Variants in ITGB4 observed in about 807,000 individuals in gnomAD.
ITGB4 encodes the protein integrin subunit beta 4.
In ITGB4, 159 loss-of-function variants were observed where a neutral mutation model predicts 207.6. The observed-to-expected ratio is 0.77, with a 90% CI of 0.67 to 0.87. The LOEUF is 0.87. Ranked by LOEUF, ITGB4 falls within the 40% of genes least tolerant of loss-of-function variation. The probability of loss-of-function intolerance (pLI) is 0.00; values close to 1 mark genes in which losing one functional copy is unlikely to be tolerated. For synonymous variants in ITGB4, 1,020 were observed against 1,062.7 expected (o/e 0.96, Z 0.78); for missense variants, 2,278 against 2,546.8 (o/e 0.89, Z 2.27).
intron 2 of ITGB4, 119 bp downstream of exon 2, chr17:75,724,901 C>T (rs1037351740): frequency 2.4e-6 from 2 of 817,448 alleles, no homozygotes; most frequent in African/African-American, 1.7e-5. Flanking sequence ...CAGCAACTGA[C>T]CACTGCCCAC....
At position 75,756,574 on chromosome 17, in the gene ITGB4, T is replaced by C. The variant is rs758775168; in HGVS notation, c.4854T>C (p.Ile1618=). ...GAGAGCGTGAGGGTGTCATCACCAT[T>C]GAATCCCAGGTGCACCCGCAGAGCC... ...WGREREGVIT[I]ESQVHPQSPL... Residue 1618 remains isoleucine, a synonymous_variant, in exon 36 of 40, where the codon ATT becomes ATC. Coordinates refer to ENST00000200181, the MANE Select transcript of ITGB4 (RefSeq NM_000213.5). 44 of 1,612,700 alleles carry C rather than the reference T, an allele frequency of 2.7e-5. No homozygotes were observed. The highest frequency in any genetic ancestry group is 3.7e-5 in the Non-Finnish European group (44 of 1,179,904).
rs937739271 is a variant in ITGB4 at position 75,742,957 on chromosome 17, T to C, written c.2962+196T>C. ...TGGCTGTTCACCTCGCCACAGTGCC[T>C]GCCTGGTGGTGAGCGCTCAGTAAAT... is the stretch of plus-strand genomic sequence containing the variant. On this transcript the variant is annotated intron_variant, in intron 25 of 39. Coordinates refer to ENST00000200181, the MANE Select transcript of ITGB4 (RefSeq NM_000213.5). The surrounding 1 kb of genome is among the most constrained non-coding windows in gnomAD (Gnocchi z 5.9). 1.3e-5 allele frequency among the ~76,000 whole-genome samples: 2 copies of C among 152,192 alleles called. 1 individual carries two copies. Among genetic ancestry groups the C allele is most frequent in the Non-Finnish European group, 2.9e-5 (2 of 68,036 alleles).
intron 15 of ITGB4, 58 bp from the exon 16 acceptor site, chr17:75,736,507 G>A: frequency 6.3e-7 from 1 of 1,595,320 alleles, no homozygotes. Flanking sequence ...TGGGGAGCGG[G>A]GGTCTGGCAG....
In ITGB4 at chr17:75,737,335, G is replaced by A. The variant is rs1044974603; in HGVS notation, c.2004G>A (p.Val668=). The A allele has an allele frequency of 1.6e-5, 25 of 1,592,292 alleles. No homozygotes were observed. Among genetic ancestry groups the A allele is most frequent in the Non-Finnish European group, 2.1e-5 (24 of 1,170,058 alleles). The change falls in exon 17 of 40, where the codon GTG becomes GTA. Residue 668 remains valine (V), a synonymous_variant. Transcript: ENST00000200181. ...VDELKRAEEV[V]VRCSFRDEDD... is the part of the protein sequence containing the mutation. ...CTGTGGGTACAGCCGAGGAGGTGGT[G>A]GTGCGCTGCTCCTTCCGGGACGAGG...
At chr17:75,736,203 C>A (rs1461939625) in intron 14 of ITGB4, 49 bp downstream of exon 14, 1 of 1,606,494 alleles carries the variant, frequency 6.2e-7, no homozygotes, top group East Asian at 2.2e-5. Flanking sequence ...CACCCACCCT[C>A]TCCAGAGAGA....
chr17:75,733,563 A>G lies in ITGB4; in HGVS notation c.1528A>G (p.Lys510Glu). Reference sequence around the variant, plus strand: ...GCCCTGCCTGCGGGAGGGCGAGGACAAGCCGTGCTCCGGCCGTGGGGAGTG... The same window carrying G: ...GCCCTGCCTGCGGGAGGGCGAGGACGAGCCGTGCTCCGGCCGTGGGGAGTG... The part of the protein sequence containing the change: ...IQPCLREGED[K>E]PCSGRGECQC... The change falls in exon 13 of 40, where the codon AAG (lysine) becomes GAG (glutamate). Residue 510 changes from lysine to glutamate, a missense_variant. Physicochemically the swap from Lys to Glu is moderately conservative, Grantham distance 56. Transcript: ENST00000200181. 6.2e-7 allele frequency: 1 copy of G among 1,614,008 alleles called. No individual in the cohort carries two copies. The highest frequency in any genetic ancestry group is 1.1e-5 in the South Asian group (1 of 91,078).
At position 75,742,876 on chromosome 17, in the gene ITGB4, T is replaced by A; in HGVS notation, c.2962+115T>A. The A allele has an allele frequency of 1.0e-6, 1 of 954,058 alleles. No homozygotes were observed. The highest frequency in any genetic ancestry group is 1.6e-6 in the Non-Finnish European group (1 of 644,678). The allele number at this position is 954,058 out of a possible 1,614,324, so 59.1% of individuals were successfully genotyped here. On this transcript the variant is annotated intron_variant, in intron 25 of 39. Coordinates refer to ENST00000200181, the MANE Select transcript of ITGB4 (RefSeq NM_000213.5). This position sits in a 1 kb window ranked among gnomAD's most constrained non-coding sequence, Gnocchi z 5.9. ...TGGCCTGGGCTAGTCACTTAACCTCTGCAAGCCTTGGTTTCTCCATCTGTA... is the reference window on the plus strand; with the variant it reads ...TGGCCTGGGCTAGTCACTTAACCTCAGCAAGCCTTGGTTTCTCCATCTGTA...
Position 75,731,948 on chromosome 17 carries a change from T to C in ITGB4, c.1352T>C (p.Ile451Thr). Residue 451 changes from isoleucine (I) to threonine (T), a missense_variant, in exon 11 of 40, where the codon ATC (isoleucine) becomes ACC (threonine). Ile to Thr is a moderately conservative substitution (Grantham distance 89, BLOSUM62 -1). Transcript: ENST00000200181. The surrounding 1 kb of genome is among the most constrained non-coding windows in gnomAD (Gnocchi z 6.8). ...GGCCTCAAGATGGACGCGGGCATCA[T>C]CTGTGATGTGTGCACCTGCGAGCTG... ...SDGLKMDAGI[I>T]CDVCTCELQK... 6 of 1,614,034 alleles carry C rather than the reference T, an allele frequency of 3.7e-6. No homozygotes were observed. Among genetic ancestry groups the C allele is most frequent in the Non-Finnish European group, 5.1e-6 (6 of 1,180,012 alleles).
In ITGB4 at chr17:75,733,576, G is replaced by A; in HGVS notation, c.1541G>A (p.Gly514Asp). ...GAGGGCGAGGACAAGCCGTGCTCCG[G>A]CCGTGGGGAGTGCCAGTGCGGGCAC... ...LREGEDKPCS[G>D]RGECQCGHCV... is the part of the protein sequence containing the mutation. The change falls in exon 13 of 40, where the codon GGC (glycine) becomes GAC (aspartate). Residue 514 changes from glycine to aspartate, a missense_variant. By Grantham distance (94) the Gly-to-Asp change is moderately conservative. Transcript: ENST00000200181. 1.9e-6 allele frequency: 3 copies of A among 1,614,046 alleles called. No individual in the cohort carries two copies. Among genetic ancestry groups the A allele is most frequent in the Non-Finnish European group, 2.5e-6 (3 of 1,180,026 alleles).
At chr17:75,735,995 C>G in intron 13 of ITGB4, 56 bp from the exon 14 acceptor site, 1 of 1,560,930 alleles carries the variant, frequency 6.4e-7, no homozygotes, top group East Asian at 2.2e-5. Context: ...AGGTGGGCAG[C>G]CTGGACTACA....
At chr17:75,730,549 G>A in intron 8 of ITGB4, 45 bp downstream of exon 8, 5 of 1,607,632 alleles carry the variant, frequency 3.1e-6, no homozygotes, top group Non-Finnish European at 4.2e-6. Context: ...CAAGGTAGGG[G>A]GTCCATGGAG....
Position 75,757,430 on chromosome 17 carries a change from G to A in ITGB4, c.5344G>A (p.Gly1782Arg). The A allele has an allele frequency of 2.5e-6, 4 of 1,613,188 alleles. No homozygotes were observed. Among genetic ancestry groups the A allele is most frequent in the Non-Finnish European group, 1.7e-6 (2 of 1,179,976 alleles). The stretch of plus-strand genomic sequence containing the variant: ...CTCCTCCACAGATGGGCTGACCCTG[G>A]GGGCCCAGCACCTGGAGGCAGGCGG... ...EPFLVDGLTL[G>R]AQHLEAGGSL... The change falls in exon 40 of 40, where the codon GGG becomes AGG. Residue 1782 changes from glycine to arginine, a missense_variant. Coordinates refer to ENST00000200181, the MANE Select transcript of ITGB4 (RefSeq NM_000213.5).
intron 32 of ITGB4, 131 bp downstream of exon 32, chr17:75,752,708 C>T (rs948495659): frequency 1.8e-6 from 2 of 1,141,656 alleles, no homozygotes; most frequent in Admixed American, 3.9e-5. Context: ...TGGACAAATG[C>T]AATGGAGTGC....
In ITGB4 at chr17:75,740,144, G is replaced by A. The variant is rs2143073917; in HGVS notation, c.2446+73G>A. 1 of 1,476,090 alleles carries A rather than the reference G, an allele frequency of 6.8e-7. No individual in the cohort carries two copies. The highest frequency in any genetic ancestry group is 9.2e-7 in the Non-Finnish European group (1 of 1,089,020). 91.4% of individuals were successfully genotyped at this position (1,476,090 alleles called of 1,614,324 possible). A position where few individuals can be genotyped will look rare whatever the true frequency, so the allele number is the denominator to read the frequency against. On this transcript the variant is annotated intron_variant, in intron 20 of 39. Coordinates refer to ENST00000200181, the MANE Select transcript of ITGB4 (RefSeq NM_000213.5). This position sits in a 1 kb window ranked among gnomAD's most constrained non-coding sequence, Gnocchi z 5.9. ...CCTCTGTTCCAGATCTGGGATCACAGCATGCCTCTTCTCTGGGTGTGGGGT... is the reference window on the plus strand; with the variant it reads ...CCTCTGTTCCAGATCTGGGATCACAACATGCCTCTTCTCTGGGTGTGGGGT...
rs373940065 is a variant in ITGB4, at chr17:75,739,855, C to T, written c.2255-25C>T. 1 of 1,612,844 alleles carries T rather than the reference C, an allele frequency of 6.2e-7. No individual in the cohort carries two copies. The highest frequency in any genetic ancestry group is 8.5e-7 in the Non-Finnish European group (1 of 1,179,344). ...GGCTGTGCGGGTCTAGGGAGGGGTG[C>T]CGTGCTGAGGACCCCATCCTGCAGG... On this transcript the variant is annotated intron_variant, in intron 19 of 39. Transcript: ENST00000200181. The surrounding 1 kb of genome is among the most constrained non-coding windows in gnomAD (Gnocchi z 5.4).
Position 75,750,769 on chromosome 17 carries a change from G to A in ITGB4, c.3564G>A (p.Pro1188=), listed in dbSNP as rs1244126736. 29 of 1,613,482 alleles carry A rather than the reference G, an allele frequency of 1.8e-5. No individual in the cohort carries two copies. The highest frequency in any genetic ancestry group is 2.2e-5 in the Non-Finnish European group (26 of 1,180,032). The part of the protein sequence containing the change: ...VPSVELTNLY[P]YCDYEMKVCA... ...CAGTGGAGCTCACCAACCTGTACCCGTATTGCGACTATGAGATGAAGGTGT... is the reference window on the plus strand; with the variant it reads ...CAGTGGAGCTCACCAACCTGTACCCATATTGCGACTATGAGATGAAGGTGT... Residue 1188 remains proline, a synonymous_variant, in exon 29 of 40, where the codon CCG becomes CCA. Transcript: ENST00000200181. The surrounding 1 kb of genome is among the most constrained non-coding windows in gnomAD (Gnocchi z 5.5).
At position 75,739,537 on chromosome 17, in the gene ITGB4, C is replaced by A; in HGVS notation, c.2221-135C>A. ...TGTGTGCCATGCTTACACCCTGCTA[C>A]CACCTGGATATTCTGGTGTCTGGGG... On this transcript the variant is annotated intron_variant, in intron 18 of 39. Transcript: ENST00000200181. This position sits in a 1 kb window ranked among gnomAD's most constrained non-coding sequence, Gnocchi z 5.4. 1.0e-6 allele frequency: 1 copy of A among 987,828 alleles called. No homozygotes were observed. Among genetic ancestry groups the A allele is most frequent in the Non-Finnish European group, 1.6e-6 (1 of 628,020 alleles). The allele number at this position is 987,828 out of a possible 1,614,324, so 61.2% of individuals were successfully genotyped here.
At position 75,742,517 on chromosome 17, in the gene ITGB4, G is replaced by A; in HGVS notation, c.2782+28G>A. The A allele has an allele frequency of 6.2e-7, 1 of 1,613,278 alleles. No individual in the cohort carries two copies. Among genetic ancestry groups the A allele is most frequent in the Non-Finnish European group, 8.5e-7 (1 of 1,179,844 alleles). The stretch of plus-strand genomic sequence containing the variant: ...AGGAGGGCGGGTCCGCTGTGCCACT[G>A]CCTCGCACCTCCCGCCTGTGTGGCC... On this transcript the variant is annotated intron_variant, in intron 24 of 39. Coordinates refer to ENST00000200181, the MANE Select transcript of ITGB4 (RefSeq NM_000213.5). The surrounding 1 kb of genome is among the most constrained non-coding windows in gnomAD (Gnocchi z 5.9).
rs117827967 is a variant in ITGB4 at position 75,734,473 on chromosome 17, C to T, written c.1657+781C>T. 2.0e-3 allele frequency among the ~76,000 whole-genome samples: 300 copies of T among 152,172 alleles called. 11 individuals are homozygous for T. In the East Asian group the frequency reaches 0.053, roughly 27 times the overall value. On this transcript the variant is annotated intron_variant, in intron 13 of 39. Transcript: ENST00000200181. The stretch of plus-strand genomic sequence containing the variant: ...CGGCCCAAAGATGCTAAATTTCTAC[C>T]TGGAAGGCCTGGAGCTTCCTCTGTA...
Sources: gnomAD v4.1 joint callset for allele counts (sites outside exome capture counted in the v4.1 genomes callset) on GRCh38, gnomAD v4.1.1 for gene constraint, Gnocchi (gnomAD v3.1) non-coding constraint, MANE v1.5 for transcripts, NCBI Gene and HGNC (gene_info 2026-07-23, HGNC 2026-07-21) for gene names.